SCUBE1: variants seen among roughly 807,000 people sequenced by gnomAD.
SCUBE1 encodes signal peptide, CUB and EGF-like domain-containing protein 1.
Under a neutral mutation model 124.4 loss-of-function variants are expected in SCUBE1, and 59 were observed. The ratio of observed to expected loss-of-function variants is 0.47; its 90% CI spans 0.38 to 0.59. SCUBE1 has a LOEUF of 0.59. SCUBE1 is among the 20% of genes least tolerant of loss of function. SCUBE1 has a pLI of 0.00. For missense variants in SCUBE1, 1,150 were observed against 1,371.2 expected, an observed-to-expected ratio of 0.84 and a Z score of 2.55; for synonymous variants, 545 against 550.9, an observed-to-expected ratio of 0.99 and a Z score of 0.15.
At chr22:43,266,576 CCT>C (rs1029775213) in intron 4 of SCUBE1, among the ~76,000 whole-genome samples, 22 of 152,126 alleles carry the variant, frequency 1.4e-4, no homozygotes, top group African/African-American at 3.9e-4. Context: ...AAAATGAGCC[CCT>C]GAGATGGGAA....
At chr22:43,212,638 G>T in intron 16 of SCUBE1, 46 bp from the exon 17 acceptor site, 1 of 1,536,794 alleles carries the variant, frequency 6.5e-7, no homozygotes, top group East Asian at 2.5e-5. Context: ...GGGCACCGCA[G>T]GGCCGAGGCT....
rs139362457 is a variant in SCUBE1, at chr22:43,198,630, G to T, written c.*5367C>A. ...TGTCGGCTCGGCATGGACACCTTGT[G>T]CATCTTTGGTGAAAAGGGACCTCAA... On this transcript the variant is annotated 3_prime_UTR_variant, in exon 22 of 22. Transcript: ENST00000360835. 1 of 456,750 alleles carries T rather than the reference G, an allele frequency of 2.2e-6. No individual in the cohort carries two copies. The highest frequency in any genetic ancestry group is 4.4e-6 in the Non-Finnish European group (1 of 226,976). The allele number at this position is 456,750 out of a possible 1,614,324, so 28.3% of individuals were successfully genotyped here. A position where few individuals can be genotyped will look rare whatever the true frequency, so the allele number is the denominator to read the frequency against.
chr22:43,205,833 AC>A (rs1391586305), intron 21 of SCUBE1, among the ~76,000 whole-genome samples: 1 of 66,286 alleles, frequency 1.5e-5, no homozygotes, highest in East Asian at 5.1e-4. Context: ...ACCCCCACAC[AC>A]ACCACACACC....
chr22:43,267,270 G>A (rs1010165188), intron 4 of SCUBE1, among the ~76,000 whole-genome samples: 17 of 152,170 alleles, frequency 1.1e-4, no homozygotes, highest in Non-Finnish European at 2.2e-4. Flanking sequence ...GCAAACAGTG[G>A]GTGAAAGAAG....
Position 43,238,920 on chromosome 22 carries a change from C to A in SCUBE1, c.762G>T (p.Arg254=), listed in dbSNP as rs767723491. The part of the protein sequence containing the change: ...TCAVNNGGCD[R]TCKDTATGVR... ...CGCCAGTGGCTGTGTCCTTGCATGT[C>A]CGGTCGCAGCCTCCGTTATTGACTG... Residue 254 remains arginine, a synonymous_variant, in exon 7 of 22, where the codon CGG becomes CGT. Transcript: ENST00000360835. 6.2e-7 allele frequency: 1 copy of A among 1,612,958 alleles called. No homozygotes were observed. Among genetic ancestry groups the A allele is most frequent in the Non-Finnish European group, 8.5e-7 (1 of 1,179,992 alleles).
At chr22:43,245,471 T>C (rs1274825779) in intron 6 of SCUBE1, among the ~76,000 whole-genome samples, 1 of 151,950 alleles carries the variant, frequency 6.6e-6, no homozygotes, top group African/African-American at 2.4e-5. Context: ...GGGGCTCAAG[T>C]GTGGCTGGAC....
intron 1 of SCUBE1, among the ~76,000 whole-genome samples, chr22:43,341,462 T>G (rs548193941): frequency 3.5e-4 from 54 of 152,300 alleles, no homozygotes; most frequent in African/African-American, 1.3e-3. Context: ...CTCTTCCCAC[T>G]TCCCAGGGGC....
chr22:43,262,711 T>C lies in SCUBE1; in HGVS notation c.610+9A>G. 1 of 1,613,750 alleles carries C rather than the reference T, an allele frequency of 6.2e-7. No individual in the cohort carries two copies. The highest frequency in any genetic ancestry group is 8.5e-7 in the Non-Finnish European group (1 of 1,179,666). Reference sequence around the variant, plus strand: ...GGGACGTTTGACCCATTTGTCTCCCTCTACCTACGTGTGCAGTCCTTCTGG... The same window carrying C: ...GGGACGTTTGACCCATTTGTCTCCCCCTACCTACGTGTGCAGTCCTTCTGG... On this transcript the variant is annotated intron_variant, in intron 5 of 21. Transcript: ENST00000360835.
chr22:43,284,285 G>T (rs895338660), intron 4 of SCUBE1, among the ~76,000 whole-genome samples: 4 of 152,358 alleles, frequency 2.6e-5, no homozygotes, highest in African/African-American at 9.6e-5. Flanking sequence ...GAAGAAAGAG[G>T]CCAAGCCGAC....
chr22:43,284,809 G>C (rs1006335774), intron 4 of SCUBE1, among the ~76,000 whole-genome samples: 6 of 151,996 alleles, frequency 3.9e-5, no homozygotes, highest in African/African-American at 1.4e-4. Context: ...ACACACAAAG[G>C]GACTGATTCC....
intron 6 of SCUBE1, among the ~76,000 whole-genome samples, chr22:43,252,752 A>G (rs552238539): frequency 6.6e-6 from 1 of 152,282 alleles, no homozygotes; most frequent in East Asian, 1.9e-4. Context: ...CTCTCCCCAC[A>G]TAGGGACTGG....
chr22:43,243,453 A>G (rs1175077000), intron 6 of SCUBE1, among the ~76,000 whole-genome samples: 5 of 152,234 alleles, frequency 3.3e-5, no homozygotes, highest in African/African-American at 1.2e-4. Flanking sequence ...TGGGCCCTGC[A>G]GGGGAGGCCG....
intron 2 of SCUBE1, among the ~76,000 whole-genome samples, chr22:43,333,126 A>G (rs1325002650): frequency 1.3e-5 from 2 of 152,130 alleles, no homozygotes; most frequent in Non-Finnish European, 2.9e-5. Context: ...GTGAGCTGCA[A>G]AGAGGGGTGG....
At chr22:43,338,089 C>G (rs1445467974) in intron 2 of SCUBE1, among the ~76,000 whole-genome samples, 1 of 152,168 alleles carries the variant, frequency 6.6e-6, no homozygotes, top group Non-Finnish European at 1.5e-5. Flanking sequence ...CTGTCTGTCT[C>G]GGAGAGAGCT....
intron 5 of SCUBE1, among the ~76,000 whole-genome samples, chr22:43,261,022 G>C (rs1486112482): frequency 6.6e-6 from 1 of 152,278 alleles, no homozygotes; most frequent in African/African-American, 2.4e-5. Context: ...GGCCCAGTTG[G>C]AGCAGGCCCT....
At chr22:43,252,245 G>C (rs1923481063) in intron 6 of SCUBE1, among the ~76,000 whole-genome samples, 2 of 152,212 alleles carry the variant, frequency 1.3e-5, no homozygotes, top group African/African-American at 4.8e-5. Context: ...CCACATTCTA[G>C]ACTTACAACT....
intron 19 of SCUBE1, among the ~76,000 whole-genome samples, 165 bp downstream of exon 19, chr22:43,209,878 G>A (rs1375588556): frequency 6.6e-6 from 1 of 152,246 alleles, no homozygotes; most frequent in Admixed American, 6.5e-5. Flanking sequence ...ACCCAAGTGG[G>A]TTTCAACCCT....
Position 43,200,174 on chromosome 22 carries a change from G to A in SCUBE1, c.*3823C>T, listed in dbSNP as rs1179672247. On this transcript the variant is annotated 3_prime_UTR_variant, in exon 22 of 22. Coordinates refer to ENST00000360835, the MANE Select transcript of SCUBE1 (RefSeq NM_173050.5). ...ATTAGGAGCTGACCCAAGCTCAGAGGAGCCTGGAGACCGGGCAGGCGCCTC... is the reference window on the plus strand; with the variant it reads ...ATTAGGAGCTGACCCAAGCTCAGAGAAGCCTGGAGACCGGGCAGGCGCCTC... The A allele has an allele frequency of 6.6e-6, 1 of 152,274 alleles. No individual in the cohort carries two copies. Among genetic ancestry groups the A allele is most frequent in the African/African-American group, 2.4e-5 (1 of 41,466 alleles). 9.4% of individuals were successfully genotyped at this position (152,274 alleles called of 1,614,324 possible).
chr22:43,327,735 C>T (rs1235995973), intron 2 of SCUBE1, among the ~76,000 whole-genome samples: 1 of 151,960 alleles, frequency 6.6e-6, no homozygotes, highest in Non-Finnish European at 1.5e-5. Flanking sequence ...TGCAGTGAGC[C>T]GAGATCATGC....
Sources: gnomAD v4.1 joint callset for allele counts (sites outside exome capture counted in the v4.1 genomes callset) on GRCh38, gnomAD v4.1.1 for gene constraint, MANE v1.5 for transcripts, NCBI Gene and HGNC (gene_info 2026-07-23, HGNC 2026-07-21) for gene names.